KALRN: variants seen among roughly 807,000 people sequenced by gnomAD.
The protein encoded by KALRN is kalirin RhoGEF kinase.
In KALRN, 70 loss-of-function variants were observed where a neutral mutation model predicts 353.7. The ratio of observed to expected loss-of-function variants is 0.20; its 90% CI spans 0.16 to 0.24. The LOEUF (loss-of-function observed/expected upper bound fraction) is 0.24, where lower values mean the gene tolerates loss of function less well. Ranked by LOEUF, KALRN falls within the 10% of genes least tolerant of loss-of-function variation. The probability of loss-of-function intolerance (pLI) is 1.00; values close to 1 mark genes in which losing one functional copy is unlikely to be tolerated. For synonymous variants in KALRN, 1,391 were observed against 1,434.8 expected (o/e 0.97, Z 0.69); for missense variants, 2,791 against 3,756.7 (o/e 0.74, Z 6.72).
At chr3:124,476,053 T>C (rs1479705230) in intron 26 of KALRN, among the ~76,000 whole-genome samples, 2 of 152,058 alleles carry the variant, frequency 1.3e-5, no homozygotes, top group Admixed American at 6.5e-5. Flanking sequence ...TATCATCATC[T>C]CCTAGGTAGT....
At chr3:124,568,148 TCAA>T (rs943996167) in intron 34 of KALRN, among the ~76,000 whole-genome samples, 1 of 152,108 alleles carries the variant, frequency 6.6e-6, no homozygotes, top group African/African-American at 2.4e-5. Flanking sequence ...CTCCTGCAAC[TCAA>T]CAACAACAAC....
At chr3:124,103,296 G>T (rs936034564) in intron 1 of KALRN, among the ~76,000 whole-genome samples, 1 of 152,158 alleles carries the variant, frequency 6.6e-6, no homozygotes, top group African/African-American at 2.4e-5. Context: ...CCAGTGGGGT[G>T]GAGATTACTG....
At chr3:124,163,906 C>A (rs1200137074) in intron 1 of KALRN, 2 of 985,456 alleles carry the variant, frequency 2.0e-6, no homozygotes, top group Non-Finnish European at 2.4e-6. Flanking sequence ...GTTGCAACAT[C>A]TGTCCCCTGC....
chr3:124,328,997 G>T (rs1425081938), intron 7 of KALRN, among the ~76,000 whole-genome samples: 1 of 152,314 alleles, frequency 6.6e-6, no homozygotes, highest in Non-Finnish European at 1.5e-5. Flanking sequence ...GGGATAAAGA[G>T]GTCTTTAGGC....
intron 2 of KALRN, among the ~76,000 whole-genome samples, chr3:124,234,047 G>T (rs1256221828): frequency 6.6e-6 from 1 of 152,148 alleles, no homozygotes; most frequent in Admixed American, 6.5e-5. Flanking sequence ...AAAAAGCAAC[G>T]ATCCAAAATC....
chr3:124,551,298 G>C (rs971842807), intron 33 of KALRN, among the ~76,000 whole-genome samples: 8 of 152,246 alleles, frequency 5.3e-5, no homozygotes, highest in African/African-American at 1.9e-4. Flanking sequence ...ATAAAGGCCT[G>C]TCTTTACACT....
intron 1 of KALRN, among the ~76,000 whole-genome samples, chr3:124,218,460 CATA>C (rs2077560356): frequency 6.6e-6 from 1 of 152,148 alleles, no homozygotes; most frequent in Non-Finnish European, 1.5e-5. Flanking sequence ...ACAGTTGGAT[CATA>C]ATAATCACTG....
intron 1 of KALRN, among the ~76,000 whole-genome samples, chr3:124,151,639 T>C (rs1372071290): frequency 6.7e-6 from 1 of 149,382 alleles, no homozygotes; most frequent in African/African-American, 2.4e-5. Flanking sequence ...TCTTCCAGTC[T>C]GTGTCTTGTC....
intron 34 of KALRN, among the ~76,000 whole-genome samples, chr3:124,620,354 T>G (rs1202114689): frequency 6.6e-6 from 1 of 152,216 alleles, no homozygotes; most frequent in African/African-American, 2.4e-5. Flanking sequence ...TCTTCCCACC[T>G]TAGCCTTCTA....
At chr3:124,547,057 T>C (rs1217165951) in intron 33 of KALRN, among the ~76,000 whole-genome samples, 2 of 152,162 alleles carry the variant, frequency 1.3e-5, no homozygotes, top group East Asian at 1.9e-4. Flanking sequence ...AGAAACCAAA[T>C]TGGTTTGAAG....
At chr3:124,587,356 G>A (rs13086167) in intron 34 of KALRN, among the ~76,000 whole-genome samples, 44,000 of 151,982 alleles carry the variant, frequency 0.29, 7,031 homozygotes, top group Middle Eastern at 0.4. Context: ...CCCAAGGCAA[G>A]GGGACTTGAC....
At chr3:124,221,385 T>C (rs2077888838) in intron 1 of KALRN, among the ~76,000 whole-genome samples, 1 of 152,206 alleles carries the variant, frequency 6.6e-6, no homozygotes, top group African/African-American at 2.4e-5. Flanking sequence ...TGACTCTTTT[T>C]TGTGACAGGC....
intron 1 of KALRN, among the ~76,000 whole-genome samples, chr3:124,187,990 A>G (rs2074429175): frequency 6.6e-6 from 1 of 152,176 alleles, no homozygotes; most frequent in Admixed American, 6.5e-5. Flanking sequence ...TCCTAGGGAA[A>G]CATTTTAAAA....
At chr3:124,043,860 G>A (rs1350583144) in intron 1 of KALRN, among the ~76,000 whole-genome samples, 1 of 152,160 alleles carries the variant, frequency 6.6e-6, no homozygotes, top group African/African-American at 2.4e-5. Flanking sequence ...TACAGAGTAT[G>A]AGTCAGAAAG....
chr3:124,110,917 A>G (rs900830259), intron 1 of KALRN, among the ~76,000 whole-genome samples: 1 of 152,316 alleles, frequency 6.6e-6, no homozygotes, highest in African/African-American at 2.4e-5. Flanking sequence ...GGTTGCCAAA[A>G]GCACAGCTTA....
chr3:124,344,044 T>C (rs1490903686), intron 9 of KALRN, among the ~76,000 whole-genome samples: 2 of 152,218 alleles, frequency 1.3e-5, no homozygotes, highest in Non-Finnish European at 2.9e-5. Flanking sequence ...CATCGATAGG[T>C]ATGAATGACT....
rs944572946 is a variant in KALRN, at chr3:124,216,070, T to C, written c.74-11920T>C. Among the ~76,000 whole-genome samples, 29 of 152,196 alleles carry C rather than the reference T, an allele frequency of 1.9e-4. 1 individual carries two copies. Among genetic ancestry groups the C allele is most frequent in the Non-Finnish European group, 1.5e-5 (1 of 68,034 alleles). On this transcript the variant is annotated intron_variant, in intron 1 of 59. Coordinates refer to ENST00000682506, the MANE Select transcript of KALRN (RefSeq NM_001388419.1). ...CTACAAAACTCATTTTGTGTTCAAC[T>C]AACCTCAGTTCTTCCAGCTCTTAGT...
intron 5 of KALRN, among the ~76,000 whole-genome samples, chr3:124,291,795 A>G (rs1298877853): frequency 6.6e-6 from 1 of 152,192 alleles, no homozygotes; most frequent in Non-Finnish European, 1.5e-5. Flanking sequence ...GACTGGATTT[A>G]TGACAAAAGA....
intron 13 of KALRN, among the ~76,000 whole-genome samples, chr3:124,399,868 A>G (rs1215127978): frequency 1.3e-5 from 2 of 152,152 alleles, no homozygotes; most frequent in Non-Finnish European, 2.9e-5. Flanking sequence ...TGAAACCATA[A>G]CTAAAGCCAG....
Sources: gnomAD v4.1 joint callset for allele counts (sites outside exome capture counted in the v4.1 genomes callset) on GRCh38, gnomAD v4.1.1 for gene constraint, MANE v1.5 for transcripts, NCBI Gene and HGNC (gene_info 2026-07-23, HGNC 2026-07-21) for gene names.